Variants in KCNE2 observed in about 807,000 individuals in gnomAD.
KCNE2 encodes the protein potassium voltage-gated channel subfamily E regulatory subunit 2, also known as potassium voltage-gated channel subfamily E member 2.
In KCNE2, 4 loss-of-function variants were observed where a neutral mutation model predicts 4.5. That is an observed-to-expected ratio of 0.89 (90% CI 0.44 to 2.03). The LOEUF is 2.03. KCNE2 is among the 30% of genes most tolerant of loss of function. The pLI is 0.03. For missense variants in KCNE2, 137 were observed against 151.4 expected (o/e 0.90, Z 0.50); for synonymous variants, 57 against 55.9 (o/e 1.02, Z -0.09).
chr21:34,367,159 CAA>C (rs35381423), intron 1 of KCNE2, among the ~76,000 whole-genome samples: 70 of 79,740 alleles, frequency 8.8e-4, no homozygotes, highest in African/African-American at 1.9e-3. Flanking sequence ...GACCCCATCT[CAA>C]AAAAAAAAAA....
At chr21:34,369,805 C>A (rs192059891) in intron 1 of KCNE2, among the ~76,000 whole-genome samples, 31 of 152,248 alleles carry the variant, frequency 2.0e-4, no homozygotes, top group Non-Finnish European at 3.7e-4. Flanking sequence ...ATGTACACAC[C>A]CCTCCCTTTA....
rs376886316 is a variant in KCNE2, at chr21:34,370,828, C to T, written c.350C>T (p.Ala117Val). 3 of 1,613,974 alleles carry T rather than the reference C, an allele frequency of 1.9e-6. No individual in the cohort carries two copies. In the African/African-American group the frequency reaches 4.0e-5, roughly 22 times the overall value. ...KATIHENIGAAGFKMSP is the reference protein window; with the variant it reads ...KATIHENIGAVGFKMSP ...ACCATCCATGAGAACATTGGTGCGG[C>T]TGGGTTCAAAATGTCCCCCTGATAA... Residue 117 changes from alanine (A) to valine (V), a missense_variant, in exon 2 of 2, where the codon GCT becomes GTT. Coordinates refer to ENST00000290310, the MANE Select transcript of KCNE2 (RefSeq NM_172201.2).
intron 1 of KCNE2, among the ~76,000 whole-genome samples, chr21:34,366,166 T>C (rs1304571530): frequency 1.3e-5 from 2 of 152,182 alleles, no homozygotes; most frequent in Non-Finnish European, 2.9e-5. Context: ...CAAACCCAAA[T>C]GACTCCAGTG....
Position 34,370,669 on chromosome 21 carries a change from T to A in KCNE2, c.191T>A (p.Ile64Asn), listed in dbSNP as rs1226991524. 3 of 1,614,114 alleles carry A rather than the reference T, an allele frequency of 1.9e-6. No homozygotes were observed. The Admixed American group carries it at 5.0e-5, about 27-fold the overall frequency. The change falls in exon 2 of 2, where the codon ATC (isoleucine) becomes AAC (asparagine). Residue 64 changes from isoleucine (I) to asparagine (N), a missense_variant. Coordinates refer to ENST00000290310, the MANE Select transcript of KCNE2 (RefSeq NM_172201.2). ...MVMIGMFSFI[I>N]VAILVSTVKS... Reference sequence around the variant, plus strand: ...ATGATTGGAATGTTCTCTTTCATCATCGTGGCCATCCTGGTGAGCACTGTG... The same window carrying A: ...ATGATTGGAATGTTCTCTTTCATCAACGTGGCCATCCTGGTGAGCACTGTG...
At chr21:34,365,468 C>G (rs1012838523) in intron 1 of KCNE2, among the ~76,000 whole-genome samples, 26 of 152,352 alleles carry the variant, frequency 1.7e-4, no homozygotes, top group African/African-American at 6.0e-4. Flanking sequence ...GTCTCACTGT[C>G]ACTGCTGAGT....
In KCNE2 at chr21:34,370,712, A is replaced by T; in HGVS notation, c.234A>T (p.Glu78Asp). ...LVSTVKSKRR[E>D]HSNDPYHQYI... ...GCACTGTGAAATCCAAGAGACGGGA[A>T]CACTCCAATGACCCCTACCACCAGT... Residue 78 changes from glutamate to aspartate, a missense_variant, in exon 2 of 2, where the codon GAA becomes GAT. Transcript: ENST00000290310. The T allele has an allele frequency of 1.2e-6, 2 of 1,614,200 alleles. No individual in the cohort carries two copies. Among genetic ancestry groups the T allele is most frequent in the Non-Finnish European group, 1.7e-6 (2 of 1,180,038 alleles).
intron 1 of KCNE2, among the ~76,000 whole-genome samples, chr21:34,366,938 C>A (rs1979331014): frequency 7.7e-6 from 1 of 129,118 alleles, no homozygotes; most frequent in Admixed American, 8.9e-5. Flanking sequence ...GAGATCGCGC[C>A]ACTGCACTCC....
intron 1 of KCNE2, among the ~76,000 whole-genome samples, chr21:34,366,974 CAAA>C (rs747133749): frequency 8.8e-4 from 13 of 14,818 alleles, no homozygotes; most frequent in Admixed American, 1.1e-3. Flanking sequence ...GACTCCATCT[CAAA>C]AAAAAAAAAA....
intron 1 of KCNE2, among the ~76,000 whole-genome samples, chr21:34,364,786 A>G (rs999664569): frequency 1.4e-5 from 2 of 146,430 alleles, no homozygotes; most frequent in Non-Finnish European, 3.0e-5. Context: ...AAAAAAAAAA[A>G]GAAAGAAAAG....
intron 1 of KCNE2, among the ~76,000 whole-genome samples, 154 bp downstream of exon 1, chr21:34,364,305 C>T (rs1477825265): frequency 6.6e-6 from 1 of 152,166 alleles, no homozygotes; most frequent in Non-Finnish European, 1.5e-5. Context: ...GTTTTCCTTA[C>T]TCATTTCTTT....
Position 34,368,858 on chromosome 21 carries a change from TGCATATGTGATGTG to T in KCNE2, c.-12-1608_-12-1595del. On this transcript the variant is annotated intron_variant, in intron 1 of 1. Coordinates refer to ENST00000290310, the MANE Select transcript of KCNE2 (RefSeq NM_172201.2). ...AATATATACACACACATTTAGTGACTGCATATGTGATGTGTGCTTTTGAAGAAAAAGGAGATGCT... is the reference window on the plus strand; with the variant it reads ...AATATATACACACACATTTAGTGACTTGCTTTTGAAGAAAAAGGAGATGCT... 2.6e-5 allele frequency among the ~76,000 whole-genome samples: 4 copies of T among 152,300 alleles called. No homozygotes were observed. The East Asian group carries it at 7.7e-4, about 29-fold the overall frequency.
chr21:34,369,545 G>A (rs181089788), intron 1 of KCNE2, among the ~76,000 whole-genome samples: 9 of 151,478 alleles, frequency 5.9e-5, no homozygotes, highest in East Asian at 1.9e-4. Flanking sequence ...GCAAGATTCC[G>A]TCTTAAGAAA....
rs746625998 is a variant in KCNE2 at position 34,370,845 on chromosome 21, C to T, written c.367C>T (p.Pro123Ser). 1.2e-6 allele frequency: 2 copies of T among 1,613,688 alleles called. No homozygotes were observed. Among genetic ancestry groups the T allele is most frequent in the African/African-American group, 2.7e-5 (2 of 74,894 alleles). Reference sequence around the variant, plus strand: ...TGGTGCGGCTGGGTTCAAAATGTCCCCCTGATAAGGGAGAAAGGCACCAAG... The same window carrying T: ...TGGTGCGGCTGGGTTCAAAATGTCCTCCTGATAAGGGAGAAAGGCACCAAG... ...NIGAAGFKMSP is the reference protein window; with the variant it reads ...NIGAAGFKMSS Residue 123 changes from proline (P) to serine (S), a missense_variant, in exon 2 of 2, where the codon CCC (proline) becomes TCC (serine). Physicochemically the swap from Pro to Ser is moderately conservative, Grantham distance 74 (BLOSUM62 -1). Transcript: ENST00000290310.
intron 1 of KCNE2, among the ~76,000 whole-genome samples, chr21:34,368,240 A>ACAC (rs1568812420): frequency 9.0e-6 from 1 of 111,534 alleles, no homozygotes; most frequent in African/African-American, 4.2e-5. Context: ...ATATATATAT[A>ACAC]TATATATATA....
chr21:34,364,791 G>C (rs1308542449), intron 1 of KCNE2, among the ~76,000 whole-genome samples: 2 of 150,140 alleles, frequency 1.3e-5, no homozygotes, highest in African/African-American at 2.4e-5. Flanking sequence ...AAAAAAGAAA[G>C]AAAAGAAAAC....
rs889152352 is a variant in KCNE2 at position 34,370,745 on chromosome 21, A to G, written c.267A>G (p.Val89=). 6.2e-7 allele frequency: 1 copy of G among 1,614,106 alleles called. No individual in the cohort carries two copies. Among genetic ancestry groups the G allele is most frequent in the Non-Finnish European group, 8.5e-7 (1 of 1,180,036 alleles). The part of the protein sequence containing the change: ...HSNDPYHQYI[V]EDWQEKYKSQ... ...ATGACCCCTACCACCAGTACATTGT[A>G]GAGGACTGGCAGGAAAAGTACAAGA... Residue 89 remains valine (V), a synonymous_variant, in exon 2 of 2, where the codon GTA becomes GTG. Coordinates refer to ENST00000290310, the MANE Select transcript of KCNE2 (RefSeq NM_172201.2).
At chr21:34,370,160 T>C (rs1683971357) in intron 1 of KCNE2, among the ~76,000 whole-genome samples, 1 of 152,266 alleles carries the variant, frequency 6.6e-6, no homozygotes, top group Admixed American at 6.5e-5. Context: ...GTACTTCTAA[T>C]ATTTTCTCCA....
Position 34,370,781 on chromosome 21 carries a change from G to C in KCNE2, c.303G>C (p.Leu101Phe). 1 of 1,614,202 alleles carries C rather than the reference G, an allele frequency of 6.2e-7. No homozygotes were observed. The highest frequency in any genetic ancestry group is 1.3e-5 in the African/African-American group (1 of 75,036). Reference sequence around the variant, plus strand: ...AGGAAAAGTACAAGAGCCAAATCTTGAATCTAGAAGAATCGAAGGCCACCA... The same window carrying C: ...AGGAAAAGTACAAGAGCCAAATCTTCAATCTAGAAGAATCGAAGGCCACCA... ...DWQEKYKSQI[L>F]NLEESKATIH... Residue 101 changes from leucine (L) to phenylalanine (F), a missense_variant, in exon 2 of 2, where the codon TTG becomes TTC. By Grantham distance (22) the Leu-to-Phe change is conservative. Transcript: ENST00000290310.
rs369699315 is a variant in KCNE2 at position 34,365,519 on chromosome 21, A to G, written c.-13+1368A>G. Among the ~76,000 whole-genome samples, 16 of 152,288 alleles carry G rather than the reference A, an allele frequency of 1.1e-4. 1 individual carries two copies. Among genetic ancestry groups the G allele is most frequent in the African/African-American group, 3.6e-4 (15 of 41,568 alleles). Reference sequence around the variant, plus strand: ...TGGCTTACTGCAGCCTTGACCTCCCAGGTTCAAGCTATCCTCCCACCTCAG... The same window carrying G: ...TGGCTTACTGCAGCCTTGACCTCCCGGGTTCAAGCTATCCTCCCACCTCAG... On this transcript the variant is annotated intron_variant, in intron 1 of 1. Coordinates refer to ENST00000290310, the MANE Select transcript of KCNE2 (RefSeq NM_172201.2).
Sources: allele counts gnomAD v4.1 joint callset (sites outside exome capture counted in the v4.1 genomes callset), GRCh38; gene constraint gnomAD v4.1.1; transcripts MANE v1.5; gene names NCBI Gene and HGNC (gene_info 2026-07-23, HGNC 2026-07-21).